MCC: variants seen among roughly 807,000 people sequenced by gnomAD.
The protein encoded by MCC is MCC regulator of Wnt signaling pathway.
MCC carries 90 observed loss-of-function variants against 116.2 expected under a neutral mutation model. The observed-to-expected ratio is 0.77, with a 90% CI of 0.65 to 0.92. The LOEUF is 0.92. Among genes scored for constraint, MCC ranks in the 40% least tolerant of loss-of-function variants. The pLI, the probability that MCC is intolerant of heterozygous loss-of-function variation, is 0.00. For synonymous variants in MCC, 578 were observed against 510.5 expected (o/e 1.13, Z -1.78); for missense variants, 1,516 against 1,312.2 (o/e 1.16, Z -2.40).
intron 17 of MCC, among the ~76,000 whole-genome samples, chr5:113,029,553 A>G (rs1253444030): frequency 6.6e-6 from 1 of 152,128 alleles, no homozygotes; most frequent in African/African-American, 2.4e-5. Context: ...GAGGGAGTAG[A>G]TATGATACTC....
At chr5:113,306,985 G>A (rs1020944849) in intron 3 of MCC, among the ~76,000 whole-genome samples, 2 of 151,942 alleles carry the variant, frequency 1.3e-5, no homozygotes, top group Non-Finnish European at 2.9e-5. Flanking sequence ...ATTTATTTCT[G>A]GACTCTCAAT....
At chr5:113,075,989 A>G (rs1312958588) in intron 11 of MCC, among the ~76,000 whole-genome samples, 4 of 152,186 alleles carry the variant, frequency 2.6e-5, no homozygotes, top group Non-Finnish European at 4.4e-5. Context: ...GAAGCCAGCG[A>G]GACCACAAAC....
chr5:113,258,317 C>G (rs1258291879), intron 3 of MCC, among the ~76,000 whole-genome samples: 4 of 152,194 alleles, frequency 2.6e-5, no homozygotes, highest in African/African-American at 4.8e-5. Flanking sequence ...TGCCAACAGA[C>G]TAGAACAAAT....
intron 9 of MCC, among the ~76,000 whole-genome samples, chr5:113,084,598 A>G (rs1298304591): frequency 2.0e-5 from 3 of 149,356 alleles, no homozygotes; most frequent in Non-Finnish European, 4.4e-5. Context: ...TTAAGAATCA[A>G]CCTTATTGTG....
At chr5:113,368,712 C>A (rs1768764036) in intron 2 of MCC, among the ~76,000 whole-genome samples, 2 of 152,016 alleles carry the variant, frequency 1.3e-5, no homozygotes, top group Non-Finnish European at 2.9e-5. Flanking sequence ...CACCAACAAG[C>A]AAGGAATCAG....
At chr5:113,439,180 G>A (rs1247412010) in intron 1 of MCC, among the ~76,000 whole-genome samples, 1 of 152,232 alleles carries the variant, frequency 6.6e-6, no homozygotes, top group African/African-American at 2.4e-5. Context: ...AAGGAGCCTG[G>A]GTTGCTGACC....
intron 3 of MCC, among the ~76,000 whole-genome samples, chr5:113,295,184 A>G (rs1479681007): frequency 1.3e-5 from 2 of 151,668 alleles, no homozygotes; most frequent in Non-Finnish European, 2.9e-5. Flanking sequence ...AAAAAAAAAA[A>G]AGAAAAGAAA....
intron 3 of MCC, among the ~76,000 whole-genome samples, chr5:113,268,929 G>A (rs1208912227): frequency 1.3e-5 from 2 of 152,098 alleles, no homozygotes; most frequent in Non-Finnish European, 2.9e-5. Context: ...GAATATTAAC[G>A]GTGACTGATG....
chr5:113,272,641 A>G (rs925689752), intron 3 of MCC, among the ~76,000 whole-genome samples: 2 of 152,184 alleles, frequency 1.3e-5, no homozygotes, highest in Admixed American at 1.3e-4. Context: ...CAGCTAACCT[A>G]GAAACAGGAA....
intron 3 of MCC, among the ~76,000 whole-genome samples, chr5:113,252,401 T>C (rs532988444): frequency 9.9e-5 from 15 of 152,166 alleles, no homozygotes; most frequent in Non-Finnish European, 2.2e-4. Flanking sequence ...AGATCTTCAT[T>C]AGAGCATGAA....
At chr5:113,371,868 G>A (rs182469298) in intron 2 of MCC, among the ~76,000 whole-genome samples, 1 of 152,318 alleles carries the variant, frequency 6.6e-6, no homozygotes, top group East Asian at 1.9e-4. Context: ...TCTGTAGAAT[G>A]AACAATGGAC....
intron 3 of MCC, among the ~76,000 whole-genome samples, chr5:113,333,926 CTATT>C (rs1280746342): frequency 2.0e-4 from 9 of 45,442 alleles, no homozygotes; most frequent in African/African-American, 5.6e-4. Context: ...ATTTATATAT[CTATT>C]TGAGGGAAGA....
chr5:113,165,418 T>C (rs1437354026), intron 3 of MCC, among the ~76,000 whole-genome samples: 1 of 152,230 alleles, frequency 6.6e-6, no homozygotes, highest in Non-Finnish European at 1.5e-5. Context: ...CCAGTTCTCT[T>C]ACAAACTGAC....
chr5:113,323,925 G>A (rs991219294), intron 3 of MCC, among the ~76,000 whole-genome samples: 3 of 152,210 alleles, frequency 2.0e-5, no homozygotes, highest in Admixed American at 1.3e-4. Context: ...GGGCTGTAGT[G>A]TGGAAAGGAC....
intron 3 of MCC, among the ~76,000 whole-genome samples, chr5:113,171,025 G>A (rs1246461065): frequency 6.6e-6 from 1 of 152,026 alleles, no homozygotes; most frequent in Non-Finnish European, 1.5e-5. Flanking sequence ...AACCATTTCT[G>A]TTTGTCAAAG....
intron 3 of MCC, among the ~76,000 whole-genome samples, chr5:113,255,878 C>T (rs1764985664): frequency 6.6e-6 from 1 of 152,118 alleles, no homozygotes; most frequent in Admixed American, 6.5e-5. Flanking sequence ...TATGCAAGCA[C>T]AGCAAAGGGA....
chr5:113,422,916 A>G (rs1307943077), intron 1 of MCC, among the ~76,000 whole-genome samples: 1 of 152,216 alleles, frequency 6.6e-6, no homozygotes, highest in South Asian at 2.1e-4. Context: ...ATAAAAAAGC[A>G]CAAAACTACA....
intron 3 of MCC, among the ~76,000 whole-genome samples, chr5:113,160,351 G>A (rs1355732368): frequency 6.6e-6 from 1 of 152,170 alleles, no homozygotes; most frequent in Non-Finnish European, 1.5e-5. Flanking sequence ...CTGAAAATAT[G>A]TCCCATCGTA....
At chr5:113,152,643 A>G (rs1419517578) in intron 3 of MCC, among the ~76,000 whole-genome samples, 4 of 152,130 alleles carry the variant, frequency 2.6e-5, no homozygotes, top group African/African-American at 9.7e-5. Context: ...CCCTCCACAC[A>G]CAGCATGTTG....
Sources: gnomAD v4.1 joint callset for allele counts (sites outside exome capture counted in the v4.1 genomes callset) on GRCh38, gnomAD v4.1.1 for gene constraint, MANE v1.5 for transcripts, NCBI Gene and HGNC (gene_info 2026-07-23, HGNC 2026-07-21) for gene names.